Variants in RBMS3 observed in about 807,000 individuals in gnomAD.
RBMS3 encodes the protein RNA binding motif single stranded interacting protein 3.
A neutral mutation model predicts 66.8 loss-of-function variants in RBMS3; 27 were observed. The observed-to-expected ratio is 0.40, with a 90% confidence interval of 0.30 to 0.56. The LOEUF is 0.56. RBMS3 is among the 20% of genes least tolerant of loss of function. The pLI, the probability that RBMS3 is intolerant of heterozygous loss-of-function variation, is 0.40. For missense variants in RBMS3, 513 were observed against 549.5 expected, an observed-to-expected ratio of 0.93 and a Z score of 0.66; for synonymous variants, 188 against 183.0, an observed-to-expected ratio of 1.03 and a Z score of -0.22.
chr3:29,540,996 G>A (rs1477143504), intron 3 of RBMS3, among the ~76,000 whole-genome samples: 1 of 152,096 alleles, frequency 6.6e-6, no homozygotes, highest in Non-Finnish European at 1.5e-5. Context: ...TCTTGTATTT[G>A]CCCCTGATTT....
chr3:29,997,365 C>T (rs1699314810), intron 14 of RBMS3, among the ~76,000 whole-genome samples: 1 of 150,318 alleles, frequency 6.7e-6, no homozygotes. Context: ...ACCATTCCTT[C>T]TGAAACTATT....
intron 12 of RBMS3, among the ~76,000 whole-genome samples, chr3:29,971,452 A>G (rs1290245813): frequency 6.6e-6 from 1 of 151,912 alleles, no homozygotes; most frequent in East Asian, 1.9e-4. Context: ...GGTATAGGGG[A>G]ATTTTTTTAC....
intron 7 of RBMS3, among the ~76,000 whole-genome samples, chr3:29,874,967 G>A (rs1450490195): frequency 2.0e-5 from 3 of 152,174 alleles, no homozygotes; most frequent in Non-Finnish European, 2.9e-5. Flanking sequence ...GAATAGGGCA[G>A]TATAACATAC....
intron 6 of RBMS3, among the ~76,000 whole-genome samples, chr3:29,814,636 C>A (rs958421057): frequency 6.6e-6 from 1 of 152,104 alleles, no homozygotes; most frequent in Non-Finnish European, 1.5e-5. Flanking sequence ...TGGTAAGCTA[C>A]TGATTATTGC....
intron 1 of RBMS3, among the ~76,000 whole-genome samples, chr3:29,354,888 C>A (rs1176503055): frequency 6.6e-6 from 1 of 151,200 alleles, no homozygotes; most frequent in Non-Finnish European, 1.5e-5. Context: ...GTTCTAAGAA[C>A]TTCAACTATA....
intron 6 of RBMS3, among the ~76,000 whole-genome samples, chr3:29,810,101 A>C (rs143926578): frequency 2.0e-5 from 3 of 152,236 alleles, no homozygotes; most frequent in Admixed American, 2.0e-4. Flanking sequence ...AGTTCATTAT[A>C]GTATACGCTT....
intron 1 of RBMS3, among the ~76,000 whole-genome samples, chr3:29,409,046 A>T (rs962504503): frequency 1.3e-5 from 2 of 152,228 alleles, no homozygotes; most frequent in African/African-American, 4.8e-5. Context: ...TGCTCGTAAT[A>T]TAGATGAGAA....
chr3:29,664,778 A>T (rs528888798), intron 4 of RBMS3, among the ~76,000 whole-genome samples: 1 of 152,132 alleles, frequency 6.6e-6, no homozygotes, highest in Non-Finnish European at 1.5e-5. Context: ...TTAAAACCCT[A>T]TTCTATATGT....
At chr3:29,404,260 A>T (rs2039925413) in intron 1 of RBMS3, among the ~76,000 whole-genome samples, 1 of 152,088 alleles carries the variant, frequency 6.6e-6, no homozygotes, top group Admixed American at 6.5e-5. Flanking sequence ...TCCGTGAATC[A>T]CACTGAGATC....
In RBMS3 at chr3:29,687,582, A is replaced by G. The variant is rs544305951; in HGVS notation, c.400-52138A>G. Among the ~76,000 whole-genome samples the G allele has an allele frequency of 4.6e-5, 7 of 152,364 alleles. No individual in the cohort carries two copies. In the South Asian group the frequency reaches 1.5e-3, roughly 32 times the overall value. ...CTTCATTAGACAAGCGAAGCTAATT[A>G]TTTTGAGAAATGAATGATAAATAAC... On this transcript the variant is annotated intron_variant, in intron 4 of 14. Transcript: ENST00000383767.
chr3:29,437,891 T>C (rs1004282454), intron 2 of RBMS3, among the ~76,000 whole-genome samples: 1 of 152,224 alleles, frequency 6.6e-6, no homozygotes, highest in African/African-American at 2.4e-5. Flanking sequence ...GATTACCTTT[T>C]GTATCTTTCT....
Position 29,285,239 on chromosome 3 carries a change from G to A in RBMS3, c.75+3483G>A, listed in dbSNP as rs564958324. Among the ~76,000 whole-genome samples, 213 of 136,288 alleles carry A rather than the reference G, an allele frequency of 1.6e-3. 2 individuals carry two copies. Among genetic ancestry groups the A allele is most frequent in the African/African-American group, 5.3e-3 (201 of 38,174 alleles). The allele number at this position is 136,288 out of a possible 152,430, so 89.4% of individuals were successfully genotyped here. Reference sequence around the variant, plus strand: ...TTTGAGGTACTTGCCGGGGTGGGGTGGGGGTGGGGGTGGTGGTGGGGAGTA... The same window carrying A: ...TTTGAGGTACTTGCCGGGGTGGGGTAGGGGTGGGGGTGGTGGTGGGGAGTA... On this transcript the variant is annotated intron_variant, in intron 1 of 14. Transcript: ENST00000383767.
chr3:29,561,587 G>A (rs2149049197), intron 3 of RBMS3, among the ~76,000 whole-genome samples: 1 of 152,130 alleles, frequency 6.6e-6, no homozygotes, highest in Admixed American at 6.5e-5. Flanking sequence ...TGAGTAGCTG[G>A]GATTACAGGC....
At chr3:29,779,457 T>G (rs937159034) in intron 6 of RBMS3, among the ~76,000 whole-genome samples, 1 of 151,592 alleles carries the variant, frequency 6.6e-6, no homozygotes, top group African/African-American at 2.4e-5. Flanking sequence ...CCATGGACAC[T>G]GAGTGAGATC....
chr3:29,338,048 G>A (rs1030028246), intron 1 of RBMS3, among the ~76,000 whole-genome samples: 4 of 152,140 alleles, frequency 2.6e-5, no homozygotes, highest in African/African-American at 4.8e-5. Flanking sequence ...ACAGTATCAA[G>A]TGACAGAAAG....
intron 1 of RBMS3, among the ~76,000 whole-genome samples, chr3:29,300,702 A>G (rs1439629580): frequency 6.6e-6 from 1 of 152,004 alleles, no homozygotes; most frequent in Non-Finnish European, 1.5e-5. Context: ...TTGAATATGC[A>G]TTGATTATCA....
intron 3 of RBMS3, among the ~76,000 whole-genome samples, chr3:29,507,591 A>C (rs2044232828): frequency 6.6e-6 from 1 of 152,088 alleles, no homozygotes; most frequent in Non-Finnish European, 1.5e-5. Context: ...TGATATGTGT[A>C]ATTATCAGTT....
intron 1 of RBMS3, among the ~76,000 whole-genome samples, chr3:29,411,787 GGA>G (rs1050758025): frequency 6.6e-6 from 1 of 152,140 alleles, no homozygotes; most frequent in African/African-American, 2.4e-5. Flanking sequence ...AGCAAAGAAT[GGA>G]TCTTTTCCAT....
intron 3 of RBMS3, among the ~76,000 whole-genome samples, chr3:29,510,499 G>C (rs2044353205): frequency 6.6e-6 from 1 of 152,128 alleles, no homozygotes; most frequent in African/African-American, 2.4e-5. Flanking sequence ...GTCAAATAAT[G>C]TACCATATGA....
Sources: allele counts gnomAD v4.1 joint callset (sites outside exome capture counted in the v4.1 genomes callset), GRCh38; gene constraint gnomAD v4.1.1; transcripts MANE v1.5; gene names NCBI Gene and HGNC (gene_info 2026-07-23, HGNC 2026-07-21).